The following AAGAB variants were observed in gnomAD, a reference collection of about 807,000 sequenced individuals.
AAGAB encodes alpha and gamma adaptin binding protein.
A neutral mutation model predicts 44.1 loss-of-function variants in AAGAB; 38 were observed. The observed-to-expected ratio is 0.86, with a 90% CI of 0.67 to 1.13. AAGAB has a LOEUF of 1.13. AAGAB is among the 50% of genes most tolerant of loss of function. AAGAB has a pLI of 0.00. For missense variants in AAGAB, 450 were observed against 373.8 expected (o/e 1.20, Z -1.68); for synonymous variants, 131 against 131.8 (o/e 0.99, Z 0.04).
chr15:67,253,283 C>T (rs1964934101), intron 1 of AAGAB, among the ~76,000 whole-genome samples: 1 of 136,372 alleles, frequency 7.3e-6, no homozygotes, highest in East Asian at 2.1e-4. Flanking sequence ...GGGCAATTAG[C>T]CGGGCGTGGT....
Position 67,201,686 on chromosome 15 carries a change from A to C in AAGAB, c.*1135T>G, listed in dbSNP as rs1458126789. ...ATTACAAAGTCTACAAAAACAAATA[A>C]GGATTTTTATTTGCAGTACTTTCCA... On this transcript the variant is annotated 3_prime_UTR_variant, in exon 10 of 10. Transcript: ENST00000261880. 1.3e-5 allele frequency: 2 copies of C among 152,334 alleles called. No individual in the cohort carries two copies. The highest frequency in any genetic ancestry group is 3.7e-4 in the East Asian group (2 of 5,336). 9.4% of individuals were successfully genotyped at this position (152,334 alleles called of 1,614,324 possible).
chr15:67,223,659 A>G (rs931304890), intron 5 of AAGAB, among the ~76,000 whole-genome samples: 2 of 152,208 alleles, frequency 1.3e-5, no homozygotes, highest in Non-Finnish European at 2.9e-5. Context: ...TACTCTCCAC[A>G]GAGCAGCCAG....
chr15:67,236,267 A>G (rs776580912), intron 3 of AAGAB, 141 bp downstream of exon 3: 12 of 963,804 alleles, frequency 1.2e-5, no homozygotes, highest in Non-Finnish European at 1.7e-5. Context: ...ACAAGATTCC[A>G]AAGAAAAATA....
intron 5 of AAGAB, among the ~76,000 whole-genome samples, chr15:67,216,977 A>G (rs1963966115): frequency 6.6e-6 from 1 of 151,914 alleles, no homozygotes; most frequent in Admixed American, 6.6e-5. Flanking sequence ...TTTTTCTCAT[A>G]CTCTTATTCC....
intron 1 of AAGAB, among the ~76,000 whole-genome samples, chr15:67,237,827 C>T (rs924998969): frequency 2.0e-5 from 3 of 152,102 alleles, no homozygotes; most frequent in Non-Finnish European, 1.5e-5. Flanking sequence ...AAGATGAACA[C>T]GTATTAATGA....
At chr15:67,248,802 T>G (rs1222436319) in intron 1 of AAGAB, among the ~76,000 whole-genome samples, 1 of 152,200 alleles carries the variant, frequency 6.6e-6, no homozygotes. Flanking sequence ...GCTTTCTGGT[T>G]TTGCAGTTTC....
In AAGAB at chr15:67,202,574, A is replaced by C. The variant is rs1430415842; in HGVS notation, c.*247T>G. ...TATCCTACCCTCATTCCTAGAACAAAAAAAAAGTATATTTAAGAAATCCTC... is the reference window on the plus strand; with the variant it reads ...TATCCTACCCTCATTCCTAGAACAACAAAAAAGTATATTTAAGAAATCCTC... On this transcript the variant is annotated 3_prime_UTR_variant, in exon 10 of 10. Coordinates refer to ENST00000261880, the MANE Select transcript of AAGAB (RefSeq NM_024666.5). 4 of 480,530 alleles carry C rather than the reference A, an allele frequency of 8.3e-6. No homozygotes were observed. The highest frequency in any genetic ancestry group is 1.9e-5 in the African/African-American group (1 of 51,986). The allele number at this position is 480,530 out of a possible 1,614,324, so 29.8% of individuals were successfully genotyped here.
At chr15:67,207,009 C>T (rs1963699669) in intron 7 of AAGAB, among the ~76,000 whole-genome samples, 1 of 152,150 alleles carries the variant, frequency 6.6e-6, no homozygotes, top group African/African-American at 2.4e-5. Context: ...CGCAGAAACC[C>T]CGTCTCTACT....
At chr15:67,244,841 A>G (rs1596015554) in intron 1 of AAGAB, among the ~76,000 whole-genome samples, 1 of 152,142 alleles carries the variant, frequency 6.6e-6, no homozygotes, top group Non-Finnish European at 1.5e-5. Flanking sequence ...AGTGGGCAAA[A>G]AAGATTTGAA....
intron 8 of AAGAB, 90 bp downstream of exon 8, chr15:67,203,954 C>T: frequency 1.3e-6 from 1 of 792,648 alleles, no homozygotes. Flanking sequence ...AACAAGGAAT[C>T]CAATCCAGCA....
Position 67,231,826 on chromosome 15 carries a change from C to T in AAGAB, c.523G>A (p.Val175Met). The change falls in exon 5 of 10, where the codon GTG (valine) becomes ATG (methionine). Residue 175 changes from valine (V) to methionine (M), a missense_variant. Val to Met is a conservative substitution (Grantham distance 21). Coordinates refer to ENST00000261880, the MANE Select transcript of AAGAB (RefSeq NM_024666.5). ...ALNANVWSNV[V>M]MKNDRNQGFS... is the part of the protein sequence containing the mutation. ...CCAAGTTACTTACCATTCTTCATCACTACATTGGACCACACATTGGCATTC... is the reference window on the plus strand; with the variant it reads ...CCAAGTTACTTACCATTCTTCATCATTACATTGGACCACACATTGGCATTC... The T allele has an allele frequency of 6.2e-7, 1 of 1,611,518 alleles. No individual in the cohort carries two copies. Among genetic ancestry groups the T allele is most frequent in the Non-Finnish European group, 8.5e-7 (1 of 1,177,932 alleles).
At chr15:67,213,536 G>GGGA (rs1236307596) in intron 5 of AAGAB, among the ~76,000 whole-genome samples, 3 of 152,056 alleles carry the variant, frequency 2.0e-5, no homozygotes, top group Non-Finnish European at 2.9e-5. Flanking sequence ...ATGGGGGAAG[G>GGGA]GGAAAAGTTG....
chr15:67,239,203 T>A (rs1226005216), intron 1 of AAGAB, among the ~76,000 whole-genome samples: 2 of 152,222 alleles, frequency 1.3e-5, no homozygotes, highest in Non-Finnish European at 2.9e-5. Context: ...ATTGGGGTTA[T>A]GCTTTCTTTG....
At chr15:67,251,021 C>T (rs935329801) in intron 1 of AAGAB, among the ~76,000 whole-genome samples, 12 of 152,104 alleles carry the variant, frequency 7.9e-5, no homozygotes, top group South Asian at 6.2e-4. Context: ...AGTGAGACTC[C>T]GTCTCAATAA....
chr15:67,240,647 G>C (rs1964574740), intron 1 of AAGAB, among the ~76,000 whole-genome samples: 1 of 152,132 alleles, frequency 6.6e-6, no homozygotes, highest in Admixed American at 6.5e-5. Context: ...ATCCCGATTT[G>C]AGAAACTTTT....
chr15:67,228,349 A>G (rs1428186348), intron 5 of AAGAB, among the ~76,000 whole-genome samples: 1 of 152,234 alleles, frequency 6.6e-6, no homozygotes, highest in Non-Finnish European at 1.5e-5. Flanking sequence ...ATGCTCAACA[A>G]GGATTTGCTA....
intron 5 of AAGAB, among the ~76,000 whole-genome samples, chr15:67,222,282 A>ACACACACACACACACACACACC (rs796412643): frequency 0.013 from 1,844 of 139,564 alleles, 53 homozygotes; most frequent in Admixed American, 0.028. Context: ...ACACACACAC[A>ACACACACACACACACACACACC]CCCTCCACCC....
chr15:67,228,206 A>G (rs537740078), intron 5 of AAGAB, among the ~76,000 whole-genome samples: 76 of 152,362 alleles, frequency 5.0e-4, no homozygotes, highest in African/African-American at 1.8e-3. Context: ...GATTTTTCAA[A>G]AAGTGAATAA....
At chr15:67,254,840 A>C (rs931169918), upstream of AAGAB, 48 of 1,562,364 alleles carry the variant, frequency 3.1e-5, no homozygotes, top group African/African-American at 6.1e-4. Flanking sequence ...CTCCGGCTGA[A>C]GGTTTCCGTG....
Sources: gnomAD v4.1 joint callset for allele counts (sites outside exome capture counted in the v4.1 genomes callset) on GRCh38, gnomAD v4.1.1 for gene constraint, MANE v1.5 for transcripts, NCBI Gene and HGNC (gene_info 2026-07-23, HGNC 2026-07-21) for gene names.